Variants in REN observed in about 807,000 individuals in gnomAD.
REN encodes the protein renin, also known as angiotensin-forming enzyme.
In REN, 42 loss-of-function variants were observed where a neutral mutation model predicts 48.6. The observed-to-expected ratio is 0.86, with a 90% confidence interval of 0.68 to 1.12. REN has a LOEUF of 1.12. Ranked by LOEUF, REN falls within the 50% of genes most tolerant of loss-of-function variation. The probability of loss-of-function intolerance (pLI) is 0.00; values close to 1 mark genes in which losing one functional copy is unlikely to be tolerated. For missense variants in REN, 443 were observed against 527.3 expected (o/e 0.84, Z 1.57); for synonymous variants, 196 against 204.6 (o/e 0.96, Z 0.36).
In REN at chr1:204,156,343, G is replaced by GACAGACAT; in HGVS notation, c.819-25_819-24insATGTCTGT. 1.9e-6 allele frequency: 3 copies of GACAGACAT among 1,566,198 alleles called. No homozygotes were observed. ...CCCTGGGGGAGGCCACAGTCAGACAGACAGACAGACAGACAGACAGAAGGC... is the reference window on the plus strand; with the variant it reads ...CCCTGGGGGAGGCCACAGTCAGACAGACAGACATACAGACAGACAGACAGACAGAAGGC... On this transcript the variant is annotated intron_variant, in intron 7 of 9. Coordinates refer to ENST00000272190, the MANE Select transcript of REN (RefSeq NM_000537.4). The surrounding 1 kb of genome is among the most constrained non-coding windows in gnomAD (Gnocchi z 4.2).
rs138032231 is a variant in REN at position 204,157,316 on chromosome 1, G to A, written c.698+45C>T. The A allele has an allele frequency of 6.9e-3, 11,187 of 1,613,690 alleles. 49 individuals are homozygous for A. The highest frequency in any genetic ancestry group is 8.6e-3 in the Middle Eastern group (52 of 6,058). On this transcript the variant is annotated intron_variant, in intron 6 of 9. Transcript: ENST00000272190. ...GTGTAATTCTAGGTCAGGTGCTCGG[G>A]GAGTACTGGAAGGTCACAGCCATGT...
chr1:204,162,143 G>T lies in REN; in HGVS notation c.119C>A (p.Pro40His). The change falls in exon 2 of 10, where the codon CCC (proline) becomes CAC (histidine). Residue 40 changes from proline to histidine, a missense_variant. Physicochemically the swap from Pro to His is moderately conservative, Grantham distance 77. Coordinates refer to ENST00000272190, the MANE Select transcript of REN (RefSeq NM_000537.4). ...TFKRIFLKRMPSIRESLKERG... is the reference protein window; with the variant it reads ...TFKRIFLKRMHSIRESLKERG... ...TTCCTTCAGGCTTTCTCGGATTGAG[G>T]GCATTCTCTTGAGGAAGATCCTGGC... is the stretch of plus-strand genomic sequence containing the variant. 6.2e-7 allele frequency: 1 copy of T among 1,614,108 alleles called. No individual in the cohort carries two copies.
intron 5 of REN, among the ~76,000 whole-genome samples, chr1:204,158,287 T>C (rs1658185970): frequency 6.6e-6 from 1 of 152,194 alleles, no homozygotes; most frequent in African/African-American, 2.4e-5. Flanking sequence ...ATTGGCCTTT[T>C]CTCAAGGCCT....
chr1:204,156,084 G>A lies in REN; in HGVS notation c.960+94C>T. 2 of 1,574,512 alleles carry A rather than the reference G, an allele frequency of 1.3e-6. No individual in the cohort carries two copies. The highest frequency in any genetic ancestry group is 1.7e-6 in the Non-Finnish European group (2 of 1,145,696). On this transcript the variant is annotated intron_variant, in intron 8 of 9. Transcript: ENST00000272190. This position sits in a 1 kb window ranked among gnomAD's most constrained non-coding sequence, Gnocchi z 4.2. ...GGAGAGTGTGAGGTGAACAAGCGAA[G>A]GCCTGAGATGGCCTCATTTGCCTGG... is the stretch of plus-strand genomic sequence containing the variant.
Position 204,159,427 on chromosome 1 carries a change from C to G in REN, c.661G>C (p.Glu221Gln). The change falls in exon 5 of 10, where the codon GAG becomes CAG. Residue 221 changes from glutamate to glutamine, a missense_variant. Physicochemically the swap from Glu to Gln is conservative, Grantham distance 29. Coordinates refer to ENST00000272190, the MANE Select transcript of REN (RefSeq NM_000537.4). ...TTGTAGTAGAAAGAGAAGACGTCCT[C>G]TTTTAGCACCCCTTGGGAGATGATG... ...DNIISQGVLKEDVFSFYYNRD... is the reference protein window; with the variant it reads ...DNIISQGVLKQDVFSFYYNRD... 6.2e-7 allele frequency: 1 copy of G among 1,614,120 alleles called. No homozygotes were observed. The highest frequency in any genetic ancestry group is 8.5e-7 in the Non-Finnish European group (1 of 1,180,024).
Position 204,160,656 on chromosome 1 carries a change from A to G in REN, c.396T>C (p.Ala132=). ...TGTGCTTGTAGCTGGAGGAATCCGAAGCATCGAAGAGCTTGTGATACACTG... is the reference window on the plus strand; with the variant it reads ...TGTGCTTGTAGCTGGAGGAATCCGAGGCATCGAAGAGCTTGTGATACACTG... ...TACVYHKLFD[A]SDSSSYKHNG... is the part of the protein sequence containing the mutation. Residue 132 remains alanine, a synonymous_variant, in exon 4 of 10, where the codon GCT becomes GCC. Transcript: ENST00000272190. 6.2e-7 allele frequency: 1 copy of G among 1,614,050 alleles called. No individual in the cohort carries two copies. Among genetic ancestry groups the G allele is most frequent in the South Asian group, 1.1e-5 (1 of 91,092 alleles).
At chr1:204,158,821 G>A (rs1356110279) in intron 5 of REN, among the ~76,000 whole-genome samples, 3 of 152,206 alleles carry the variant, frequency 2.0e-5, no homozygotes, top group Non-Finnish European at 4.4e-5. Context: ...ATGTGGGTAG[G>A]GGAGTACAGA....
In REN at chr1:204,162,140, G is replaced by A; in HGVS notation, c.122C>T (p.Ser41Leu). ...TCGTTCCTTCAGGCTTTCTCGGATTGAGGGCATTCTCTTGAGGAAGATCCT... is the reference window on the plus strand; with the variant it reads ...TCGTTCCTTCAGGCTTTCTCGGATTAAGGGCATTCTCTTGAGGAAGATCCT... ...FKRIFLKRMP[S>L]IRESLKERGV... Residue 41 changes from serine to leucine, a missense_variant, in exon 2 of 10, where the codon TCA becomes TTA. Coordinates refer to ENST00000272190, the MANE Select transcript of REN (RefSeq NM_000537.4). 1 of 1,614,152 alleles carries A rather than the reference G, an allele frequency of 6.2e-7. No homozygotes were observed. The highest frequency in any genetic ancestry group is 8.5e-7 in the Non-Finnish European group (1 of 1,180,040).
intron 9 of REN, 107 bp from the exon 10 acceptor site, chr1:204,155,284 C>T: frequency 7.6e-7 from 1 of 1,311,466 alleles, no homozygotes; most frequent in Non-Finnish European, 1.1e-6. Flanking sequence ...CTCTCGCCCC[C>T]ATCTCTCCCC....
chr1:204,160,805 G>T, intron 3 of REN, 127 bp from the exon 4 acceptor site: 5 of 783,110 alleles, frequency 6.4e-6, no homozygotes, highest in Admixed American at 1.7e-5. Flanking sequence ...GGGTCAGGGG[G>T]CTTGGAATAT....
Position 204,155,020 on chromosome 1 carries a change from C to T in REN, c.1217G>A (p.Arg406His), listed in dbSNP as rs527291298. The change falls in exon 10 of 10, where the codon CGC (arginine) becomes CAC (histidine). Residue 406 changes from arginine (R) to histidine (H), a missense_variant. Arg to His is a conservative substitution (Grantham distance 29). Coordinates refer to ENST00000272190, the MANE Select transcript of REN (RefSeq NM_000537.4). The part of the protein sequence containing the change: ...RNNRIGFALA[R>H] ...CTGCCTGGGTGGCAGAGGGCCTCAG[C>T]GGGCCAAGGCGAAGCCAATGCGGTT... The T allele has an allele frequency of 4.2e-5, 67 of 1,613,804 alleles. No homozygotes were observed. The highest frequency in any genetic ancestry group is 2.7e-4 in the African/African-American group (20 of 75,048).
rs772593624 is a variant in REN at position 204,156,151 on chromosome 1, C to A, written c.960+27G>T. On this transcript the variant is annotated intron_variant, in intron 8 of 9. Coordinates refer to ENST00000272190, the MANE Select transcript of REN (RefSeq NM_000537.4). This position sits in a 1 kb window ranked among gnomAD's most constrained non-coding sequence, Gnocchi z 4.2. ...TACCAGGTGGCGCTCCCCCCACCCA[C>A]AGCACCTTCCCTCTTTGGCTTCTTA... The A allele has an allele frequency of 3.1e-6, 5 of 1,614,142 alleles. No individual in the cohort carries two copies. Among genetic ancestry groups the A allele is most frequent in the Non-Finnish European group, 3.4e-6 (4 of 1,180,046 alleles).
Position 204,160,659 on chromosome 1 carries a change from A to G in REN, c.393T>C (p.Asp131=), listed in dbSNP as rs144089286. 9.3e-6 allele frequency: 15 copies of G among 1,613,996 alleles called. No homozygotes were observed. In the African/African-American group the frequency reaches 2.0e-4, roughly 22 times the overall value. ...YTACVYHKLF[D]ASDSSSYKHN... is the part of the protein sequence containing the mutation. ...GCTTGTAGCTGGAGGAATCCGAAGC[A>G]TCGAAGAGCTTGTGATACACTGGCA... The change falls in exon 4 of 10, where the codon GAT becomes GAC. Residue 131 remains aspartate (D), a synonymous_variant. Coordinates refer to ENST00000272190, the MANE Select transcript of REN (RefSeq NM_000537.4).
rs1658203631 is a variant in REN at position 204,159,392 on chromosome 1, T to C, written c.689+7A>G. The C allele has an allele frequency of 2.5e-6, 4 of 1,613,362 alleles. No individual in the cohort carries two copies. The highest frequency in any genetic ancestry group is 2.5e-6 in the Non-Finnish European group (3 of 1,179,556). ...CCCACCTCAGCCCTTGGAGTCCCAGTCCCCACCTGTTGTAGTAGAAAGAGA... is the reference window on the plus strand; with the variant it reads ...CCCACCTCAGCCCTTGGAGTCCCAGCCCCCACCTGTTGTAGTAGAAAGAGA... On this transcript the variant is annotated splice_region_variant and intron_variant, in intron 5 of 9. Transcript: ENST00000272190.
rs768794022 is a variant in REN, at chr1:204,161,980, G to GA, written c.249+32_249+33insT. The GA allele has an allele frequency of 2.2e-4, 362 of 1,612,676 alleles. No individual in the cohort carries two copies. The African/African-American group carries it at 3.7e-3, about 17-fold the overall frequency. On this transcript the variant is annotated intron_variant, in intron 2 of 9. Coordinates refer to ENST00000272190, the MANE Select transcript of REN (RefSeq NM_000537.4). ...CTAGGTCCATGAGGGAAAGGAGACAGGGAGGGAGCGAGGGGCTGAGCCAAG... is the reference window on the plus strand; with the variant it reads ...CTAGGTCCATGAGGGAAAGGAGACAGAGGAGGGAGCGAGGGGCTGAGCCAAG...
chr1:204,160,508 G>T, intron 4 of REN, 52 bp downstream of exon 4: 1 of 1,232,670 alleles, frequency 8.1e-7, no homozygotes, highest in Non-Finnish European at 1.2e-6. Flanking sequence ...GTCAGGAGAG[G>T]CCTGGGGACA....
chr1:204,161,128 C>T (rs987543983), intron 3 of REN, among the ~76,000 whole-genome samples, 164 bp downstream of exon 3: 6 of 151,852 alleles, frequency 4.0e-5, no homozygotes, highest in Non-Finnish European at 5.9e-5. Flanking sequence ...ATCAGAAAAA[C>T]GGGAGACATC....
intron 1 of REN, among the ~76,000 whole-genome samples, chr1:204,162,814 T>C (rs575641128): frequency 5.3e-5 from 8 of 152,344 alleles, no homozygotes; most frequent in Admixed American, 2.0e-4. Flanking sequence ...GCCATGCACC[T>C]CGTCCTTGGA....
chr1:204,161,897 A>T, intron 2 of REN, 116 bp downstream of exon 2: 2 of 1,329,072 alleles, frequency 1.5e-6, no homozygotes, highest in Non-Finnish European at 1.1e-6. Context: ...CTCACGTGCT[A>T]CTCAGCGCCT....
Sources: gnomAD v4.1 joint callset for allele counts (sites outside exome capture counted in the v4.1 genomes callset) on GRCh38, gnomAD v4.1.1 for gene constraint, Gnocchi (gnomAD v3.1) non-coding constraint, MANE v1.5 for transcripts, NCBI Gene and HGNC (gene_info 2026-07-23, HGNC 2026-07-21) for gene names.